Variants in NEMF observed in about 807,000 individuals in gnomAD.
NEMF encodes nuclear export mediator factor.
NEMF carries 89 observed loss-of-function variants against 162.2 expected under a neutral mutation model. The ratio of observed to expected loss-of-function variants is 0.55; its 90% confidence interval spans 0.46 to 0.65. The LOEUF is 0.65. Among genes scored for constraint, NEMF ranks in the 30% least tolerant of loss-of-function variants. The pLI, the probability that NEMF is intolerant of heterozygous loss-of-function variation, is 0.00. For missense variants in NEMF, 1,133 were observed against 1,261.9 expected, an observed-to-expected ratio of 0.90 and a Z score of 1.55; for synonymous variants, 421 against 404.5, an observed-to-expected ratio of 1.04 and a Z score of -0.49.
At chr14:49,807,527 C>T (rs548415939) in intron 18 of NEMF, among the ~76,000 whole-genome samples, 4 of 151,940 alleles carry the variant, frequency 2.6e-5, no homozygotes, top group African/African-American at 4.8e-5. Context: ...ATCACCAACA[C>T]GTGTTATTGT....
intron 6 of NEMF, among the ~76,000 whole-genome samples, chr14:49,837,573 G>A (rs558508861): frequency 6.6e-6 from 1 of 152,210 alleles, no homozygotes; most frequent in South Asian, 2.1e-4. Flanking sequence ...TTTTACACAT[G>A]CTATACTAAC....
intron 16 of NEMF, among the ~76,000 whole-genome samples, chr14:49,825,547 G>C (rs1892294202): frequency 6.6e-6 from 1 of 152,100 alleles, no homozygotes; most frequent in Non-Finnish European, 1.5e-5. Context: ...ACCAGCCTGG[G>C]CAACAAAGTG....
At chr14:49,837,653 A>C (rs1215993626) in intron 6 of NEMF, among the ~76,000 whole-genome samples, 1 of 152,102 alleles carries the variant, frequency 6.6e-6, no homozygotes, top group African/African-American at 2.4e-5. Flanking sequence ...TTAACTCTCT[A>C]GTGCTCAGTA....
chr14:49,844,911 G>T, intron 4 of NEMF: 1 of 250,834 alleles, frequency 4.0e-6, no homozygotes, highest in South Asian at 3.5e-5. Flanking sequence ...TGGGACTACA[G>T]GCACGCACCA....
intron 16 of NEMF, among the ~76,000 whole-genome samples, chr14:49,823,020 T>C (rs1448444592): frequency 6.6e-6 from 1 of 150,426 alleles, no homozygotes; most frequent in Non-Finnish European, 1.5e-5. Context: ...TACTGAAACC[T>C]CTGCCTCCCA....
chr14:49,834,263 T>C lies in NEMF; in HGVS notation c.661+100A>G, dbSNP rs553913095. ...GAGCCAGTGTGCCTGGTCAAATGTTTTTCATTCTAGAACCACCTGCTCCCT... is the reference window on the plus strand; with the variant it reads ...GAGCCAGTGTGCCTGGTCAAATGTTCTTCATTCTAGAACCACCTGCTCCCT... On this transcript the variant is annotated intron_variant, in intron 7 of 32. Transcript: ENST00000298310. 134 of 765,038 alleles carry C rather than the reference T, an allele frequency of 1.8e-4. No homozygotes were observed. The East Asian group carries it at 2.0e-3, about 12-fold the overall frequency. 47.4% of individuals were successfully genotyped at this position (765,038 alleles called of 1,614,324 possible). A position where few individuals can be genotyped will look rare whatever the true frequency, so the allele number is the denominator to read the frequency against.
chr14:49,791,159 A>G (rs369754756), intron 26 of NEMF, among the ~76,000 whole-genome samples: 5 of 148,380 alleles, frequency 3.4e-5, no homozygotes, highest in African/African-American at 9.9e-5. Context: ...CATAAGTGAA[A>G]CCCCGTCTGT....
rs1319221677 is a variant in NEMF at position 49,831,367 on chromosome 14, T to TA, written c.883-7dup. 7.0e-6 allele frequency: 11 copies of TA among 1,579,948 alleles called. No homozygotes were observed. Among genetic ancestry groups the TA allele is most frequent in the Non-Finnish European group, 9.6e-6 (11 of 1,151,428 alleles). ...GAATAAAATTCATCCACCGCCTTAT[T>TA]AAAAAAACAAACAACTAGTTGGAAA... On this transcript the variant is annotated splice_region_variant and splice_polypyrimidine_tract_variant and intron_variant, in intron 10 of 32. Coordinates refer to ENST00000298310, the MANE Select transcript of NEMF (RefSeq NM_004713.6).
chr14:49,829,288 A>G (rs1182449878), intron 12 of NEMF, 26 bp from the exon 13 acceptor site: 1 of 1,613,042 alleles, frequency 6.2e-7, no homozygotes, highest in African/African-American at 1.3e-5. Flanking sequence ...ACACACATTT[A>G]CTACATTGCC....
At position 49,846,239 on chromosome 14, in the gene NEMF, TCTC is replaced by T; in HGVS notation, c.255_257del (p.Arg86del). 1 of 1,611,782 alleles carries T rather than the reference TCTC, an allele frequency of 6.2e-7. No individual in the cohort carries two copies. Among genetic ancestry groups the T allele is most frequent in the Non-Finnish European group, 8.5e-7 (1 of 1,179,544 alleles). ...CACCAAGCTGTTTTGCACTGACTAA[TCTC>T]CGACTCTTCAAATGTTTTCGGCACT... On this transcript the variant is annotated inframe_deletion, in exon 4 of 33. Coordinates refer to ENST00000298310, the MANE Select transcript of NEMF (RefSeq NM_004713.6).
intron 23 of NEMF, among the ~76,000 whole-genome samples, 163 bp from the exon 24 acceptor site, chr14:49,799,841 C>T (rs1890875194): frequency 6.6e-6 from 1 of 152,212 alleles, no homozygotes; most frequent in Non-Finnish European, 1.5e-5. Flanking sequence ...CCTCTCTCCA[C>T]ACTTCCATAT....
intron 6 of NEMF, 50 bp from the exon 7 acceptor site, chr14:49,834,499 T>C: frequency 7.4e-7 from 1 of 1,346,994 alleles, no homozygotes; most frequent in Non-Finnish European, 1.1e-6. Context: ...AAATTCTTTT[T>C]TGTTTTTGTT....
chr14:49,815,544 T>C (rs1276105291), intron 16 of NEMF, among the ~76,000 whole-genome samples: 1 of 152,206 alleles, frequency 6.6e-6, no homozygotes, highest in African/African-American at 2.4e-5. Flanking sequence ...TGGTTAAAAA[T>C]GGTAGACTAA....
At chr14:49,818,533 A>C (rs1891835698) in intron 16 of NEMF, 1 of 152,192 alleles carries the variant, frequency 6.6e-6, no homozygotes, top group African/African-American at 2.4e-5. Context: ...GAATGAAAAC[A>C]GGAGGACTGG....
In NEMF at chr14:49,787,647, T is replaced by A. The variant is rs576117542; in HGVS notation, c.2896-897A>T. The stretch of plus-strand genomic sequence containing the variant: ...CCTCTTAATACCATCACACTGGGTA[T>A]TTAGGTTCCCATATATGAATTGTGG... On this transcript the variant is annotated intron_variant, in intron 28 of 32. Coordinates refer to ENST00000298310, the MANE Select transcript of NEMF (RefSeq NM_004713.6). Among the ~76,000 whole-genome samples the A allele has an allele frequency of 4.6e-5, 7 of 152,338 alleles. No homozygotes were observed. The South Asian group carries it at 1.4e-3, about 32-fold the overall frequency.
chr14:49,845,609 T>C (rs1191966947), intron 4 of NEMF, among the ~76,000 whole-genome samples: 2 of 152,194 alleles, frequency 1.3e-5, no homozygotes, highest in African/African-American at 4.8e-5. Context: ...TTCTCTAAGC[T>C]TTTTTTCCAT....
chr14:49,831,319 C>A lies in NEMF; in HGVS notation c.925G>T (p.Asp309Tyr). 1 of 1,596,998 alleles carries A rather than the reference C, an allele frequency of 6.3e-7. No individual in the cohort carries two copies. The highest frequency in any genetic ancestry group is 1.1e-5 in the South Asian group (1 of 90,518). Residue 309 changes from aspartate to tyrosine, a missense_variant, in exon 11 of 33, where the codon GAC becomes TAC. Asp to Tyr is a radical substitution (Grantham distance 160). Around this residue, in one of 3 missense-constraint regions of NEMF, gnomAD observed 582 missense variants for 631.5 expected, o/e 0.92. Coordinates refer to ENST00000298310, the MANE Select transcript of NEMF (RefSeq NM_004713.6). ...FYSKIEGQKI[D>Y]LKALQQEKQA... The stretch of plus-strand genomic sequence containing the variant: ...CATACCTGTTGTAAAGCTTTTAAGT[C>A]AATTTTCTGGCCTTCTATCTTGGAA...
At chr14:49,832,499 T>C (rs1001379191) in intron 8 of NEMF, among the ~76,000 whole-genome samples, 4 of 151,978 alleles carry the variant, frequency 2.6e-5, no homozygotes, top group Admixed American at 6.6e-5. Flanking sequence ...ACCTGGCTAA[T>C]TTTTGTATTT....
chr14:49,846,875 C>T (rs1201433207), intron 3 of NEMF, among the ~76,000 whole-genome samples: 1 of 152,106 alleles, frequency 6.6e-6, no homozygotes, highest in South Asian at 2.1e-4. Context: ...CACTCATAAG[C>T]CACAACCTTT....
Sources: gnomAD v4.1 joint callset for allele counts (sites outside exome capture counted in the v4.1 genomes callset) on GRCh38, gnomAD v4.1.1 for gene constraint, gnomAD v4.1.1 regional missense constraint, MANE v1.5 for transcripts, NCBI Gene and HGNC (gene_info 2026-07-23, HGNC 2026-07-21) for gene names.